Variants in MYO9A observed in about 807,000 individuals in gnomAD.
MYO9A encodes myosin IXA.
In MYO9A, 103 loss-of-function variants were observed where a neutral mutation model predicts 293.3. That is an observed-to-expected ratio of 0.35 (90% CI 0.30 to 0.41). The LOEUF (loss-of-function observed/expected upper bound fraction) is 0.41. Among genes scored for constraint, MYO9A ranks in the 10% least tolerant of loss-of-function variants. MYO9A has a pLI of 1.00. For synonymous variants in MYO9A, 1,001 were observed against 1,035.7 expected (o/e 0.97, Z 0.64); for missense variants, 2,685 against 3,033.0 (o/e 0.89, Z 2.69).
chr15:71,947,283 G>A (rs1487003846), intron 15 of MYO9A, among the ~76,000 whole-genome samples: 81 of 127,854 alleles, frequency 6.3e-4, no homozygotes, highest in Non-Finnish European at 7.6e-4. Flanking sequence ...TCCATCTCAG[G>A]AAAAAAAAAA....
intron 8 of MYO9A, among the ~76,000 whole-genome samples, chr15:72,002,670 T>C (rs951698116): frequency 2.8e-4 from 42 of 152,188 alleles, no homozygotes; most frequent in African/African-American, 7.0e-4. Flanking sequence ...AAACTATGTA[T>C]TCTTTATAAA....
chr15:71,893,726 C>G lies in MYO9A; in HGVS notation c.5095G>C (p.Glu1699Gln), dbSNP rs761141067. 3.1e-6 allele frequency: 5 copies of G among 1,613,968 alleles called. No individual in the cohort carries two copies. Among genetic ancestry groups the G allele is most frequent in the Non-Finnish European group, 4.2e-6 (5 of 1,179,942 alleles). ...AACTTCACAGGTTTCCATGCTGGTT[C>G]ATCTTCTTTATGGAGTTGAGGATTT... ...SKNPQLHKED[E>Q]PAWKPVKLAG... Residue 1699 changes from glutamate to glutamine, a missense_variant, in exon 26 of 42, where the codon GAA (glutamate) becomes CAA (glutamine). Coordinates refer to ENST00000356056, the MANE Select transcript of MYO9A (RefSeq NM_006901.4).
chr15:71,875,944 G>A (rs2056669248), intron 31 of MYO9A, 106 bp from the exon 32 acceptor site: 1 of 557,802 alleles, frequency 1.8e-6, no homozygotes, highest in East Asian at 3.7e-5. Flanking sequence ...TAACACAATA[G>A]TCATTTCTTT....
intron 3 of MYO9A, among the ~76,000 whole-genome samples, chr15:72,031,135 C>G (rs1348940356): frequency 6.6e-6 from 1 of 152,160 alleles, no homozygotes; most frequent in Non-Finnish European, 1.5e-5. Context: ...AAAACCATTC[C>G]TCCATCCCCC....
At chr15:72,054,628 A>C (rs2078665917) in intron 1 of MYO9A, among the ~76,000 whole-genome samples, 1 of 144,556 alleles carries the variant, frequency 6.9e-6, no homozygotes. Context: ...TAAAGTGAGT[A>C]GAGATCGTGC....
intron 19 of MYO9A, among the ~76,000 whole-genome samples, chr15:71,908,817 C>T (rs2057750251): frequency 1.3e-5 from 2 of 152,114 alleles, no homozygotes; most frequent in African/African-American, 4.8e-5. Context: ...GTTGCACATT[C>T]TCTGGGTTTA....
chr15:72,018,382 C>A (rs577717399), intron 6 of MYO9A, among the ~76,000 whole-genome samples: 2 of 152,028 alleles, frequency 1.3e-5, no homozygotes, highest in Non-Finnish European at 2.9e-5. Flanking sequence ...GCATGAGAAT[C>A]GCTAGAACCC....
intron 26 of MYO9A, among the ~76,000 whole-genome samples, chr15:71,888,768 T>A (rs2057092866): frequency 6.6e-6 from 1 of 152,194 alleles, no homozygotes; most frequent in African/African-American, 2.4e-5. Flanking sequence ...TCAAGTCATT[T>A]CCTAATATTT....
intron 1 of MYO9A, among the ~76,000 whole-genome samples, chr15:72,088,327 C>G (rs1486905188): frequency 6.6e-6 from 1 of 152,134 alleles, no homozygotes; most frequent in Non-Finnish European, 1.5e-5. Flanking sequence ...TCTGTCATTG[C>G]CCAAAAAGTG....
chr15:72,050,906 G>A (rs987360623), intron 1 of MYO9A, among the ~76,000 whole-genome samples: 1 of 152,002 alleles, frequency 6.6e-6, no homozygotes, highest in Admixed American at 6.6e-5. Context: ...ACCACACTAT[G>A]GCATGACTAA....
At chr15:72,082,642 T>G (rs773955379) in intron 1 of MYO9A, among the ~76,000 whole-genome samples, 21 of 152,022 alleles carry the variant, frequency 1.4e-4, no homozygotes, top group Admixed American at 2.6e-4. Flanking sequence ...ATGTTTCCAG[T>G]TTTGGCCCAT....
intron 1 of MYO9A, among the ~76,000 whole-genome samples, chr15:72,099,573 G>A (rs919398539): frequency 6.6e-6 from 1 of 151,908 alleles, no homozygotes; most frequent in South Asian, 2.1e-4. Context: ...CTGCACTCCA[G>A]CCTAGGCAAC....
chr15:72,036,442 G>GA (rs1242499983), intron 2 of MYO9A: 1 of 152,184 alleles, frequency 6.6e-6, no homozygotes, highest in South Asian at 2.1e-4. Flanking sequence ...ATTTAATCAA[G>GA]AAAAAACAGA....
At chr15:72,020,814 G>A in intron 5 of MYO9A, 104 bp downstream of exon 5, 1 of 572,482 alleles carries the variant, frequency 1.7e-6, no homozygotes, top group Non-Finnish European at 2.8e-6. Context: ...GAAAATGCTA[G>A]CTAATCCATT....
chr15:71,832,394 T>A (rs1441926850), intron 39 of MYO9A, among the ~76,000 whole-genome samples: 3 of 151,894 alleles, frequency 2.0e-5, no homozygotes, highest in Admixed American at 6.6e-5. Flanking sequence ...AAAAGAAGTC[T>A]ATACCTAGAC....
At chr15:71,837,865 A>G (rs1326113127) in intron 39 of MYO9A, among the ~76,000 whole-genome samples, 1 of 152,186 alleles carries the variant, frequency 6.6e-6, no homozygotes, top group African/African-American at 2.4e-5. Context: ...CAAAATTTGC[A>G]AATACACTAA....
intron 1 of MYO9A, among the ~76,000 whole-genome samples, chr15:72,067,851 T>C (rs2150111798): frequency 6.6e-6 from 1 of 152,282 alleles, no homozygotes; most frequent in Non-Finnish European, 1.5e-5. Context: ...TTCAAATGTT[T>C]ACTCATTCTA....
intron 3 of MYO9A, 24 bp downstream of exon 3, chr15:72,032,470 C>T (rs1466826474): frequency 1.4e-5 from 21 of 1,450,040 alleles, no homozygotes; most frequent in South Asian, 6.5e-5. Flanking sequence ...CCAAAGCCTA[C>T]GCCTGCTAAG....
chr15:72,086,391 A>G (rs555459712), intron 1 of MYO9A, among the ~76,000 whole-genome samples: 23 of 133,950 alleles, frequency 1.7e-4, no homozygotes, highest in African/African-American at 5.9e-4. Flanking sequence ...CTCTGTGCCT[A>G]GTTTCACTCC....
Sources: allele counts gnomAD v4.1 joint callset (sites outside exome capture counted in the v4.1 genomes callset), GRCh38; gene constraint gnomAD v4.1.1; transcripts MANE v1.5; gene names NCBI Gene and HGNC (gene_info 2026-07-23, HGNC 2026-07-21).